Variants in CCDC192 observed in about 807,000 individuals in gnomAD.
CCDC192 encodes coiled-coil domain-containing protein 192.
intron 5 of CCDC192, among the ~76,000 whole-genome samples, chr5:127,873,103 G>T (rs1751929212): frequency 1.3e-5 from 2 of 152,032 alleles, no homozygotes; most frequent in South Asian, 4.1e-4. Context: ...AATGTAGCTT[G>T]GTAAGACTTT....
chr5:127,911,378 T>C (rs889614019), intron 6 of CCDC192, among the ~76,000 whole-genome samples: 1 of 152,192 alleles, frequency 6.6e-6, no homozygotes, highest in Non-Finnish European at 1.5e-5. Context: ...CTAAACCTGC[T>C]GTTGGTATAT....
chr5:127,897,924 T>A (rs941464274), intron 6 of CCDC192, among the ~76,000 whole-genome samples: 2 of 152,218 alleles, frequency 1.3e-5, no homozygotes, highest in Non-Finnish European at 2.9e-5. Context: ...CTCCCTGGTA[T>A]CAAATGAGAA....
intron 5 of CCDC192, among the ~76,000 whole-genome samples, chr5:127,829,863 A>G (rs1233303880): frequency 6.6e-6 from 1 of 152,174 alleles, no homozygotes; most frequent in Admixed American, 6.5e-5. Flanking sequence ...CAGACAAAGG[A>G]TCTTTAACAA....
intron 5 of CCDC192, among the ~76,000 whole-genome samples, chr5:127,836,330 C>T (rs559830488): frequency 1.3e-5 from 2 of 152,314 alleles, no homozygotes; most frequent in South Asian, 4.1e-4. Flanking sequence ...CTTCCCTGCC[C>T]CAGCTGCTTT....
intron 6 of CCDC192, among the ~76,000 whole-genome samples, chr5:127,939,445 T>C (rs1470148278): frequency 6.6e-6 from 1 of 152,150 alleles, no homozygotes; most frequent in Non-Finnish European, 1.5e-5. Context: ...ATATTATTGT[T>C]ATAATATTAA....
intron 6 of CCDC192, among the ~76,000 whole-genome samples, chr5:127,939,110 CTTTTTT>C (rs59545987): frequency 1.2e-5 from 1 of 83,620 alleles, no homozygotes; most frequent in African/African-American, 4.3e-5. Context: ...AAACCAACAT[CTTTTTT>C]TTTTTTTTTT....
intron 5 of CCDC192, among the ~76,000 whole-genome samples, chr5:127,844,579 G>C (rs1750443575): frequency 1.3e-5 from 2 of 152,198 alleles, no homozygotes; most frequent in Non-Finnish European, 2.9e-5. Context: ...GAGCGACCCG[G>C]TGAATCTTTC....
chr5:127,901,136 G>A (rs1183191760), intron 6 of CCDC192, among the ~76,000 whole-genome samples: 3 of 152,136 alleles, frequency 2.0e-5, no homozygotes, highest in South Asian at 2.1e-4. Context: ...ATACAATTGG[G>A]TATCTACTTA....
intron 3 of CCDC192, among the ~76,000 whole-genome samples, chr5:127,775,506 A>G (rs1467294526): frequency 6.6e-6 from 1 of 152,172 alleles, no homozygotes; most frequent in Non-Finnish European, 1.5e-5. Flanking sequence ...CCTGTGGTGT[A>G]GCATGCTACC....
At chr5:127,834,333 C>A (rs1412106033) in intron 5 of CCDC192, among the ~76,000 whole-genome samples, 2 of 152,154 alleles carry the variant, frequency 1.3e-5, no homozygotes. Context: ...TTAAACTATA[C>A]AAGCTGAAAT....
chr5:127,756,136 G>GA (rs58301453), intron 3 of CCDC192, among the ~76,000 whole-genome samples: 7,339 of 134,144 alleles, frequency 0.055, 605 homozygotes, highest in African/African-American at 0.18. Flanking sequence ...CTGTCTCAAA[G>GA]AAAAAAAAAA....
chr5:127,847,353 G>C (rs1024325707), intron 5 of CCDC192, among the ~76,000 whole-genome samples: 1 of 152,078 alleles, frequency 6.6e-6, no homozygotes, highest in African/African-American at 2.4e-5. Flanking sequence ...AATTCACATA[G>C]TGAATAGTCC....
At chr5:127,793,144 A>T (rs1383679414) in intron 3 of CCDC192, among the ~76,000 whole-genome samples, 2 of 152,204 alleles carry the variant, frequency 1.3e-5, no homozygotes, top group Non-Finnish European at 1.5e-5. Context: ...CTAAAAAAAA[A>T]GTTGAAATTA....
intron 5 of CCDC192, among the ~76,000 whole-genome samples, chr5:127,858,870 C>A (rs2127099958): frequency 6.6e-6 from 1 of 152,202 alleles, no homozygotes; most frequent in Admixed American, 6.5e-5. Flanking sequence ...GCAAGAAAAA[C>A]AGTACAATAA....
chr5:127,874,092 G>C (rs1032935450), intron 5 of CCDC192, among the ~76,000 whole-genome samples: 1 of 152,118 alleles, frequency 6.6e-6, no homozygotes, highest in South Asian at 2.1e-4. Context: ...GGCCAGCATC[G>C]TGTCTGACAC....
chr5:127,823,719 A>G (rs1174962355), intron 5 of CCDC192, among the ~76,000 whole-genome samples: 4 of 152,076 alleles, frequency 2.6e-5, no homozygotes, highest in African/African-American at 9.7e-5. Context: ...GAGTCACCCT[A>G]GGGTCACCCT....
At chr5:127,769,968 G>C (rs1755454646) in intron 3 of CCDC192, among the ~76,000 whole-genome samples, 1 of 152,190 alleles carries the variant, frequency 6.6e-6, no homozygotes, top group Non-Finnish European at 1.5e-5. Context: ...GGGAGGAAGA[G>C]AGAGAGATTG....
chr5:127,885,388 T>C (rs1462212008), intron 6 of CCDC192, among the ~76,000 whole-genome samples: 2 of 152,216 alleles, frequency 1.3e-5, no homozygotes, highest in African/African-American at 2.4e-5. Flanking sequence ...CATCAGCAGA[T>C]GGACATCAAT....
At position 127,852,442 on chromosome 5, in the gene CCDC192, T is replaced by C. The variant is rs141312602; in HGVS notation, c.412-23096T>C. ...CACATGGGGGAAGTATTGGCTGTTA[T>C]GTGAAACACACAGTCACATTTACAC... On this transcript the variant is annotated intron_variant, in intron 5 of 6. Coordinates refer to ENST00000514853, the MANE Select transcript of CCDC192 (RefSeq NM_001317938.2). 3.1e-3 allele frequency among the ~76,000 whole-genome samples: 476 copies of C among 152,278 alleles called. 4 individuals are homozygous for C. Among genetic ancestry groups the C allele is most frequent in the African/African-American group, 0.011 (459 of 41,548 alleles).
Sources: gnomAD v4.1 joint callset for allele counts (sites outside exome capture counted in the v4.1 genomes callset) on GRCh38, gnomAD v4.1.1 for gene constraint, MANE v1.5 for transcripts, NCBI Gene and HGNC (gene_info 2026-07-23, HGNC 2026-07-21) for gene names.